The following RAD51C variants were observed in gnomAD, a reference collection of about 807,000 sequenced individuals.
RAD51C encodes the protein DNA repair protein RAD51 homolog 3.
RAD51C carries 42 observed loss-of-function variants against 45.0 expected under a neutral mutation model. The observed-to-expected ratio is 0.93, with a 90% CI of 0.73 to 1.21. The LOEUF (loss-of-function observed/expected upper bound fraction) is 1.21, where lower values mean the gene tolerates loss of function less well. RAD51C is among the 50% of genes most tolerant of loss of function. The probability of loss-of-function intolerance (pLI) is 0.00; values close to 1 mark genes in which losing one functional copy is unlikely to be tolerated. For missense variants in RAD51C, 474 were observed against 452.2 expected (o/e 1.05, Z -0.44); for synonymous variants, 172 against 159.8 (o/e 1.08, Z -0.58).
At chr17:58,708,289 T>G (rs969084482) in intron 4 of RAD51C, among the ~76,000 whole-genome samples, 1 of 152,158 alleles carries the variant, frequency 6.6e-6, no homozygotes, top group South Asian at 2.1e-4. Context: ...CATTTTCTTA[T>G]AATTATCGGA....
rs578239535 is a variant in RAD51C at position 58,714,213 on chromosome 17, G to T, written c.837+4223G>T. On this transcript the variant is annotated intron_variant, in intron 5 of 8. Coordinates refer to ENST00000337432, the MANE Select transcript of RAD51C (RefSeq NM_058216.3). ...TTGGCCAGGCTGGTCTCAAACTCCTGACCTCAAGTGATCGACCCTCCTCGG... is the reference window on the plus strand; with the variant it reads ...TTGGCCAGGCTGGTCTCAAACTCCTTACCTCAAGTGATCGACCCTCCTCGG... Among the ~76,000 whole-genome samples the T allele has an allele frequency of 1.4e-4, 22 of 152,184 alleles. 1 individual carries two copies. The East Asian group carries it at 4.3e-3, about 29-fold the overall frequency.
At chr17:58,700,637 T>C (rs2048182989) in intron 3 of RAD51C, among the ~76,000 whole-genome samples, 1 of 151,846 alleles carries the variant, frequency 6.6e-6, no homozygotes. Context: ...AGATGGGGTT[T>C]CACCATGTTA....
intron 4 of RAD51C, chr17:58,706,758 T>G (rs2048393496): frequency 9.3e-6 from 2 of 215,418 alleles, no homozygotes; most frequent in African/African-American, 4.6e-5. Context: ...TCTTTCCCAC[T>G]TACTCTGTCC....
rs1960350100 is a variant in RAD51C, at chr17:58,734,186, C to T, written c.1095C>T (p.Thr365=). 6.2e-7 allele frequency: 1 copy of T among 1,613,060 alleles called. No homozygotes were observed. The highest frequency in any genetic ancestry group is 1.3e-5 in the African/African-American group (1 of 74,838). Residue 365 remains threonine, a synonymous_variant, in exon 9 of 9, where the codon ACC becomes ACT. Coordinates refer to ENST00000337432, the MANE Select transcript of RAD51C (RefSeq NM_058216.3). ...TGCAAACAGAAGGTTCCTTGAGCAC[C>T]CGGAAACGGTCACGAGACCCAGAGG... ...CSLQTEGSLS[T]RKRSRDPEEE... is the part of the protein sequence containing the mutation.
intron 7 of RAD51C, among the ~76,000 whole-genome samples, chr17:58,731,674 A>G (rs1214057824): frequency 3.3e-5 from 5 of 152,210 alleles, no homozygotes; most frequent in African/African-American, 1.2e-4. Flanking sequence ...GTTTTATATT[A>G]ATTGTATAAG....
chr17:58,698,473 C>T (rs751758055), intron 3 of RAD51C, among the ~76,000 whole-genome samples: 12 of 151,630 alleles, frequency 7.9e-5, no homozygotes, highest in South Asian at 6.3e-4. Context: ...CATGAGCCAC[C>T]GCACCCGGCC....
intron 3 of RAD51C, chr17:58,700,022 A>AATTTTTGT: frequency 2.0e-5 from 3 of 151,902 alleles, no homozygotes. Context: ...ATACCTGGCT[A>AATTTTTGT]ATTTTTGTAT....
At chr17:58,725,924 G>A (rs752942227) in intron 7 of RAD51C, among the ~76,000 whole-genome samples, 6 of 150,948 alleles carry the variant, frequency 4.0e-5, no homozygotes, top group African/African-American at 1.2e-4. Context: ...CCCAGGAGGC[G>A]GAGGTTGCAG....
At chr17:58,711,725 G>C (rs1015221677) in intron 5 of RAD51C, among the ~76,000 whole-genome samples, 1 of 151,880 alleles carries the variant, frequency 6.6e-6, no homozygotes, top group Non-Finnish European at 1.5e-5. Flanking sequence ...GCCGGCCTCA[G>C]CCTCCTAAAG....
chr17:58,710,576 A>G (rs1431745486), intron 5 of RAD51C, among the ~76,000 whole-genome samples: 1 of 150,926 alleles, frequency 6.6e-6, no homozygotes, highest in Non-Finnish European at 1.5e-5. Flanking sequence ...TTGTTTAAAT[A>G]TACTTTGGAT....
chr17:58,720,673 A>G, intron 5 of RAD51C, 73 bp from the exon 6 acceptor site: 8 of 1,183,838 alleles, frequency 6.8e-6, no homozygotes, highest in Non-Finnish European at 1.0e-5. Context: ...GGGTTTCACA[A>G]TCTTGGCCAG....
chr17:58,722,059 C>T (rs2048935677), intron 6 of RAD51C, among the ~76,000 whole-genome samples: 1 of 152,024 alleles, frequency 6.6e-6, no homozygotes, highest in African/African-American at 2.4e-5. Flanking sequence ...AAACTCATGC[C>T]CTCAGCACAC....
rs1555603011 is a variant in RAD51C, at chr17:58,724,042, GA to G, written c.910del (p.Ser304ValfsTer10). 6.2e-7 allele frequency: 1 copy of G among 1,612,342 alleles called. No homozygotes were observed. Among genetic ancestry groups the G allele is most frequent in the South Asian group, 1.1e-5 (1 of 91,040 alleles). On this transcript the variant is annotated frameshift_variant, in exon 7 of 9. Coordinates refer to ENST00000337432, the MANE Select transcript of RAD51C (RefSeq NM_058216.3). LOFTEE classifies it high-confidence loss of function. Reference protein sequence around the residue: ...NQALLVPALGESWGHAATIRL... With the variant: ...NQALLVPALGXSWGHAATIRL... ...GTTATTATGTTTTTTACTCTCAGGG[GA>G]AAGTTGGGGACATGCTGCTACAATA... is the stretch of plus-strand genomic sequence containing the variant.
At chr17:58,705,717 C>T (rs953583355) in intron 4 of RAD51C, among the ~76,000 whole-genome samples, 2 of 152,098 alleles carry the variant, frequency 1.3e-5, no homozygotes, top group Non-Finnish European at 2.9e-5. Flanking sequence ...CCTTAGAAGT[C>T]CTTTCTCCAC....
At chr17:58,704,233 C>T (rs1419485882) in intron 4 of RAD51C, among the ~76,000 whole-genome samples, 1 of 151,698 alleles carries the variant, frequency 6.6e-6, no homozygotes, top group Non-Finnish European at 1.5e-5. Context: ...CCTCATTCCC[C>T]ACCTTTGATA....
At chr17:58,728,782 C>A (rs1195084529) in intron 7 of RAD51C, among the ~76,000 whole-genome samples, 1 of 152,170 alleles carries the variant, frequency 6.6e-6, no homozygotes, top group Non-Finnish European at 1.5e-5. Context: ...TGTCCTTCAC[C>A]AGTAACACCT....
At position 58,692,667 on chromosome 17, in the gene RAD51C, T is replaced by A. The variant is rs587782698; in HGVS notation, c.24T>A (p.Phe8Leu). 2 of 1,614,220 alleles carry A rather than the reference T, an allele frequency of 1.2e-6. No individual in the cohort carries two copies. Among genetic ancestry groups the A allele is most frequent in the Non-Finnish European group, 1.7e-6 (2 of 1,180,036 alleles). The stretch of plus-strand genomic sequence containing the variant: ...CGATGCGCGGGAAGACGTTCCGCTT[T>A]GAAATGCAGCGGGATTTGGTGAGTT... MRGKTFR[F>L]EMQRDLVSFP... The change falls in exon 1 of 9, where the codon TTT becomes TTA. Residue 8 changes from phenylalanine (F) to leucine (L), a missense_variant. Phe to Leu is a conservative substitution (Grantham distance 22). Coordinates refer to ENST00000337432, the MANE Select transcript of RAD51C (RefSeq NM_058216.3).
chr17:58,694,726 C>G (rs2143713742), intron 1 of RAD51C: 1 of 575,964 alleles, frequency 1.7e-6, no homozygotes, highest in Middle Eastern at 5.0e-4. Flanking sequence ...CTGGCTGCCT[C>G]AGCCTCCCAA....
intron 7 of RAD51C, among the ~76,000 whole-genome samples, chr17:58,728,638 T>C (rs1207115356): frequency 1.3e-5 from 2 of 151,970 alleles, no homozygotes; most frequent in Non-Finnish European, 2.9e-5. Flanking sequence ...ACTCAGTCAG[T>C]CCACCTACCT....
Sources: gnomAD v4.1 joint callset for allele counts (sites outside exome capture counted in the v4.1 genomes callset) on GRCh38, gnomAD v4.1.1 for gene constraint, MANE v1.5 for transcripts, NCBI Gene and HGNC (gene_info 2026-07-23, HGNC 2026-07-21) for gene names.